The following FOXJ3 variants were observed in gnomAD, a reference collection of about 807,000 sequenced individuals.
The protein encoded by FOXJ3 is forkhead box J3, also known as forkhead box protein J3.
In FOXJ3, 22 loss-of-function variants were observed where a neutral mutation model predicts 76.1. The ratio of observed to expected loss-of-function variants is 0.29; its 90% CI spans 0.21 to 0.41. The LOEUF (loss-of-function observed/expected upper bound fraction) is 0.41. FOXJ3 is among the 10% of genes least tolerant of loss of function. The probability of loss-of-function intolerance (pLI) is 1.00; values close to 1 mark genes in which losing one functional copy is unlikely to be tolerated. For synonymous variants in FOXJ3, 269 were observed against 261.2 expected (o/e 1.03, Z -0.29); for missense variants, 613 against 762.1 (o/e 0.80, Z 2.30).
upstream of FOXJ3, chr1:42,335,349 G>C (rs1656435461): frequency 1.3e-5 from 2 of 152,280 alleles, no homozygotes; most frequent in South Asian, 4.1e-4. Flanking sequence ...TCGCTTCGAC[G>C]CACGCAGGAT....
Position 42,189,503 on chromosome 1 carries a change from T to A in FOXJ3, c.1352-99A>T, listed in dbSNP as rs1646500395. 3.9e-6 allele frequency: 3 copies of A among 778,330 alleles called. No individual in the cohort carries two copies. The African/African-American group carries it at 5.1e-5, about 13-fold the overall frequency. The allele number at this position is 778,330 out of a possible 1,614,324, so 48.2% of individuals were successfully genotyped here. ...GCCCTTATTCCTGAAATTGGCTGAT[T>A]CTTGTCCCGTCTTACAAGGGGATTT... On this transcript the variant is annotated intron_variant, in intron 9 of 12. Transcript: ENST00000361346.
intron 4 of FOXJ3, among the ~76,000 whole-genome samples, chr1:42,264,086 A>T (rs1206727508): frequency 6.6e-6 from 1 of 152,036 alleles, no homozygotes; most frequent in Non-Finnish European, 1.5e-5. Context: ...CAAAAGAGGG[A>T]GCAACAAATT....
intron 5 of FOXJ3, among the ~76,000 whole-genome samples, chr1:42,219,834 G>C (rs1213124565): frequency 6.6e-6 from 1 of 152,184 alleles, no homozygotes; most frequent in African/African-American, 2.4e-5. Context: ...GTTGAGGATA[G>C]CTTGAGCCCA....
At chr1:42,314,954 G>A (rs1184102725) in intron 1 of FOXJ3, among the ~76,000 whole-genome samples, 1 of 152,086 alleles carries the variant, frequency 6.6e-6, no homozygotes. Context: ...AACAAAGTAT[G>A]GTTTATCTAA....
intron 2 of FOXJ3, among the ~76,000 whole-genome samples, chr1:42,299,520 C>T (rs1160048751): frequency 8.1e-5 from 12 of 148,980 alleles, no homozygotes; most frequent in African/African-American, 2.7e-4. Context: ...GGGTCTCTTG[C>T]TGGCAGCAGA....
chr1:42,245,949 G>A (rs978953265), intron 4 of FOXJ3, among the ~76,000 whole-genome samples: 1 of 152,016 alleles, frequency 6.6e-6, no homozygotes, highest in African/African-American at 2.4e-5. Context: ...ATGGTCCTAG[G>A]AAAAGTGAAT....
At chr1:42,206,796 C>T (rs2124328688) in intron 5 of FOXJ3, among the ~76,000 whole-genome samples, 1 of 152,266 alleles carries the variant, frequency 6.6e-6, no homozygotes. Context: ...AGCCACCCTA[C>T]TGATTTATCA....
intron 2 of FOXJ3, among the ~76,000 whole-genome samples, chr1:42,291,591 A>G (rs1005881469): frequency 6.6e-6 from 1 of 152,208 alleles, no homozygotes; most frequent in African/African-American, 2.4e-5. Flanking sequence ...ACTTGAGGCC[A>G]GGAGTTTAAG....
intron 4 of FOXJ3, among the ~76,000 whole-genome samples, chr1:42,231,493 T>C (rs958664678): frequency 2.0e-5 from 3 of 152,190 alleles, no homozygotes; most frequent in African/African-American, 7.2e-5. Context: ...TAGGTACTTA[T>C]TGTTTAATGA....
intron 6 of FOXJ3, among the ~76,000 whole-genome samples, chr1:42,202,058 CCA>C (rs972847420): frequency 1.3e-5 from 2 of 152,004 alleles, no homozygotes; most frequent in African/African-American, 4.8e-5. Context: ...TTTTTTCATT[CCA>C]GATATCAGCA....
At chr1:42,277,435 G>A (rs908415613) in intron 3 of FOXJ3, among the ~76,000 whole-genome samples, 1 of 151,800 alleles carries the variant, frequency 6.6e-6, no homozygotes, top group Non-Finnish European at 1.5e-5. Context: ...GGCCGAGGCG[G>A]GCGGATCACA....
intron 1 of FOXJ3, among the ~76,000 whole-genome samples, chr1:42,329,032 T>C (rs1439941320): frequency 2.6e-5 from 4 of 152,198 alleles, no homozygotes; most frequent in Non-Finnish European, 5.9e-5. Flanking sequence ...CATTTCCTTT[T>C]TGTTTCATCT....
At chr1:42,301,908 G>C (rs749557627) in intron 2 of FOXJ3, among the ~76,000 whole-genome samples, 3 of 151,846 alleles carry the variant, frequency 2.0e-5, no homozygotes, top group Non-Finnish European at 4.4e-5. Flanking sequence ...TGTTCCTCTG[G>C]TTGCTTCTCA....
At chr1:42,269,551 C>T (rs1651718645) in intron 3 of FOXJ3, among the ~76,000 whole-genome samples, 1 of 152,182 alleles carries the variant, frequency 6.6e-6, no homozygotes, top group Non-Finnish European at 1.5e-5. Context: ...AGATCCAGCA[C>T]AGACCTTTCT....
At chr1:42,196,927 C>A (rs2124248524) in intron 7 of FOXJ3, among the ~76,000 whole-genome samples, 1 of 152,238 alleles carries the variant, frequency 6.6e-6, no homozygotes, top group African/African-American at 2.4e-5. Flanking sequence ...ATCATTATAT[C>A]TTTGCTTAGT....
chr1:42,327,198 G>A (rs1222981808), intron 1 of FOXJ3, among the ~76,000 whole-genome samples: 1 of 152,160 alleles, frequency 6.6e-6, no homozygotes, highest in Admixed American at 6.5e-5. Context: ...ATTTCTGATG[G>A]TGACGGCTAC....
intron 4 of FOXJ3, among the ~76,000 whole-genome samples, chr1:42,234,424 T>G (rs1370113486): frequency 2.6e-5 from 4 of 152,198 alleles, no homozygotes; most frequent in Non-Finnish European, 4.4e-5. Context: ...TCCGTCCAGC[T>G]TTGTTCCGTT....
intron 2 of FOXJ3, among the ~76,000 whole-genome samples, chr1:42,305,559 G>A (rs1444658313): frequency 3.3e-5 from 5 of 152,028 alleles, no homozygotes; most frequent in African/African-American, 7.2e-5. Context: ...AGATCCTGTC[G>A]TTTTCAACAT....
intron 4 of FOXJ3, among the ~76,000 whole-genome samples, chr1:42,240,808 T>C (rs1649076683): frequency 6.6e-6 from 1 of 152,234 alleles, no homozygotes. Flanking sequence ...AATCTTTTCT[T>C]AGCTATGACA....
Sources: allele counts gnomAD v4.1 joint callset (sites outside exome capture counted in the v4.1 genomes callset), GRCh38; gene constraint gnomAD v4.1.1; transcripts MANE v1.5; gene names NCBI Gene and HGNC (gene_info 2026-07-23, HGNC 2026-07-21).